The following MAGI2 variants were observed in gnomAD, a reference collection of about 807,000 sequenced individuals.
MAGI2 encodes membrane-associated guanylate kinase, WW and PDZ domain-containing protein 2.
Under a neutral mutation model 133.3 loss-of-function variants are expected in MAGI2, and 35 were observed. The ratio of observed to expected loss-of-function variants is 0.26; its 90% confidence interval spans 0.20 to 0.35. The LOEUF (loss-of-function observed/expected upper bound fraction) is 0.35. Among genes scored for constraint, MAGI2 ranks in the 10% least tolerant of loss-of-function variants. The pLI, the probability that MAGI2 is intolerant of heterozygous loss-of-function variation, is 1.00. For missense variants in MAGI2, 1,636 were observed against 1,863.4 expected, an observed-to-expected ratio of 0.88 and a Z score of 2.25; for synonymous variants, 729 against 710.6, an observed-to-expected ratio of 1.03 and a Z score of -0.41.
intron 3 of MAGI2, among the ~76,000 whole-genome samples, chr7:78,603,010 C>T (rs1188667933): frequency 1.3e-5 from 2 of 152,164 alleles, no homozygotes; most frequent in Non-Finnish European, 2.9e-5. Flanking sequence ...CTTTAGCTCC[C>T]TGACTTTAAA....
At chr7:78,069,573 G>GAGAGAGAGAGAGAGA (rs1434894272) in intron 21 of MAGI2, among the ~76,000 whole-genome samples, 1 of 110,396 alleles carries the variant, frequency 9.1e-6, no homozygotes, top group East Asian at 2.7e-4. Flanking sequence ...AGAGAGAGAG[G>GAGAGAGAGAGAGAGA]CTTCTGATTC....
intron 2 of MAGI2, among the ~76,000 whole-genome samples, chr7:78,776,964 G>A (rs1194423837): frequency 6.6e-6 from 1 of 152,166 alleles, no homozygotes; most frequent in East Asian, 1.9e-4. Context: ...GGCAGCTATG[G>A]TGTTTGCAGA....
chr7:79,453,456 G>A lies in MAGI2; in HGVS notation c.-136C>T. The stretch of plus-strand genomic sequence containing the variant: ...TTGCCTTCGCCCCCCTCTATTCGGT[G>A]CTTTCCCTCTTCTTTGGATGGAGTG... On this transcript the variant is annotated 5_prime_UTR_variant, in exon 1 of 22. Transcript: ENST00000354212. 1 of 1,477,136 alleles carries A rather than the reference G, an allele frequency of 6.8e-7. No homozygotes were observed. Among genetic ancestry groups the A allele is most frequent in the Non-Finnish European group, 8.9e-7 (1 of 1,121,716 alleles). 91.5% of individuals were successfully genotyped at this position (1,477,136 alleles called of 1,614,324 possible).
intron 2 of MAGI2, among the ~76,000 whole-genome samples, chr7:78,634,184 G>C: frequency 6.6e-6 from 1 of 152,222 alleles, no homozygotes; most frequent in South Asian, 2.1e-4. Flanking sequence ...TGATTACACA[G>C]TAAGATGTAG....
rs549662643 is a variant in MAGI2 at position 78,460,263 on chromosome 7, AG to A, written c.1045+29497del. Among the ~76,000 whole-genome samples the A allele has an allele frequency of 7.2e-5, 11 of 152,354 alleles. No homozygotes were observed. In the South Asian group the frequency reaches 2.3e-3, roughly 32 times the overall value. ...AACAACTGAGTGCGCGAATCAATGT[AG>A]TGAGGTAACTTACGCAGGTCACACA... On this transcript the variant is annotated intron_variant, in intron 6 of 21. Transcript: ENST00000354212.
intron 19 of MAGI2, 128 bp downstream of exon 19, chr7:78,127,069 A>G: frequency 1.5e-6 from 1 of 671,026 alleles, no homozygotes; most frequent in Non-Finnish European, 2.5e-6. Context: ...CGATGTTACC[A>G]GAACTAGGAA....
chr7:79,166,381 A>T (rs1824915277), intron 1 of MAGI2, among the ~76,000 whole-genome samples: 1 of 152,076 alleles, frequency 6.6e-6, no homozygotes, highest in Non-Finnish European at 1.5e-5. Context: ...TGAGTTCTAC[A>T]ACTAAAGGAA....
chr7:78,052,767 A>C (rs10240458), intron 21 of MAGI2, among the ~76,000 whole-genome samples: 26,944 of 152,152 alleles, frequency 0.18, 3,421 homozygotes, highest in African/African-American at 0.35. Flanking sequence ...ATGCAGGTAC[A>C]CTGACCCACT....
intron 1 of MAGI2, among the ~76,000 whole-genome samples, chr7:79,334,435 ATAATTTCAT>A (rs1840292446): frequency 6.6e-6 from 1 of 152,168 alleles, no homozygotes; most frequent in South Asian, 2.1e-4. Flanking sequence ...TAAGTCTTTT[ATAATTTCAT>A]TAAAAGCCCC....
At chr7:79,353,669 G>C in intron 1 of MAGI2, 1 of 342,350 alleles carries the variant, frequency 2.9e-6, no homozygotes, top group South Asian at 2.3e-5. Flanking sequence ...ATCACACTGG[G>C]CATTGGACTC....
intron 6 of MAGI2, among the ~76,000 whole-genome samples, chr7:78,374,918 C>A (rs1794294001): frequency 6.6e-6 from 1 of 152,034 alleles, no homozygotes; most frequent in African/African-American, 2.4e-5. Context: ...TGGCTCACTG[C>A]AACCTTTACC....
chr7:79,129,950 C>T (rs946143459), intron 1 of MAGI2, among the ~76,000 whole-genome samples: 1 of 152,098 alleles, frequency 6.6e-6, no homozygotes, highest in South Asian at 2.1e-4. Context: ...GCAATTTACA[C>T]ATTTGTACTC....
chr7:78,156,926 G>A (rs1303699575), intron 16 of MAGI2, among the ~76,000 whole-genome samples: 1 of 152,060 alleles, frequency 6.6e-6, no homozygotes, highest in Non-Finnish European at 1.5e-5. Context: ...GTAAAACAAT[G>A]CAAACTCTGG....
intron 6 of MAGI2, among the ~76,000 whole-genome samples, chr7:78,386,118 A>T (rs1795367569): frequency 6.6e-6 from 1 of 152,208 alleles, no homozygotes; most frequent in African/African-American, 2.4e-5. Context: ...CAGAAGGACT[A>T]GATTAAACAT....
chr7:79,445,038 A>T (rs1035107632), intron 1 of MAGI2, among the ~76,000 whole-genome samples: 1 of 152,234 alleles, frequency 6.6e-6, no homozygotes, highest in Non-Finnish European at 1.5e-5. Flanking sequence ...GATCTTTGAC[A>T]AACCTGAGAA....
intron 20 of MAGI2, among the ~76,000 whole-genome samples, chr7:78,117,677 T>C (rs6944652): frequency 0.86 from 130,323 of 151,952 alleles, 56,294 homozygotes; most frequent in African/African-American, 0.91. Flanking sequence ...CCAATGAAAT[T>C]TAAAAAAAAG....
intron 3 of MAGI2, among the ~76,000 whole-genome samples, chr7:78,584,412 T>C: frequency 1.0e-5 from 1 of 100,116 alleles, no homozygotes; most frequent in East Asian, 2.7e-4. Flanking sequence ...AGAGTGAGAC[T>C]CCGTCTCAGA....
intron 9 of MAGI2, among the ~76,000 whole-genome samples, chr7:78,297,959 C>T (rs1797445833): frequency 7.0e-6 from 1 of 142,430 alleles, no homozygotes; most frequent in Admixed American, 7.1e-5. Context: ...ACAATGTGCA[C>T]ATGTACCCTA....
chr7:78,776,646 A>G (rs1017424784), intron 2 of MAGI2, among the ~76,000 whole-genome samples: 2 of 152,190 alleles, frequency 1.3e-5, no homozygotes, highest in Non-Finnish European at 2.9e-5. Context: ...CTTCTTTTAA[A>G]TATGCATCAC....
Sources: gnomAD v4.1 joint callset for allele counts (sites outside exome capture counted in the v4.1 genomes callset) on GRCh38, gnomAD v4.1.1 for gene constraint, MANE v1.5 for transcripts, NCBI Gene and HGNC (gene_info 2026-07-23, HGNC 2026-07-21) for gene names.